The following PDE1C variants were observed in gnomAD, a reference collection of about 807,000 sequenced individuals.
PDE1C encodes phosphodiesterase 1C, also known as dual specificity calcium/calmodulin-dependent 3',5'-cyclic nucleotide phosphodiesterase 1C.
Under a neutral mutation model 93.1 loss-of-function variants are expected in PDE1C, and 62 were observed. That is an observed-to-expected ratio of 0.67 (90% confidence interval 0.54 to 0.82). The LOEUF (loss-of-function observed/expected upper bound fraction) is 0.82. PDE1C is among the 40% of genes least tolerant of loss of function. PDE1C has a pLI of 0.00. For synonymous variants in PDE1C, 325 were observed against 310.1 expected (o/e 1.05, Z -0.50); for missense variants, 742 against 884.6 (o/e 0.84, Z 2.04).
rs374060671 is a variant in PDE1C, at chr7:31,911,507, C to T, written c.129-30647G>A. On this transcript the variant is annotated intron_variant, in intron 2 of 17. Coordinates refer to ENST00000396191, the MANE Select transcript of PDE1C (RefSeq NM_001191057.4). ...CACCAAAACTGAGCAAACCTCATTCCGTTAGCTAGTCTCCAAAGAAGGTAG... is the reference window on the plus strand; with the variant it reads ...CACCAAAACTGAGCAAACCTCATTCTGTTAGCTAGTCTCCAAAGAAGGTAG... Among the ~76,000 whole-genome samples the T allele has an allele frequency of 5.9e-5, 9 of 152,206 alleles. No homozygotes were observed. The East Asian group carries it at 1.2e-3, about 20-fold the overall frequency.
intron 2 of PDE1C, among the ~76,000 whole-genome samples, chr7:32,186,719 AGAG>A: frequency 6.6e-6 from 1 of 152,170 alleles, no homozygotes; most frequent in African/African-American, 2.4e-5. Context: ...GTATAGTCAG[AGAG>A]TATGTCCTAC....
intron 1 of PDE1C, among the ~76,000 whole-genome samples, chr7:32,320,622 TAC>T (rs58913478): frequency 0.083 from 12,327 of 149,262 alleles, 729 homozygotes; most frequent in African/African-American, 0.16. Flanking sequence ...GGCACACACA[TAC>T]ACACACACAC....
At chr7:32,415,711 C>T (rs905247941) in intron 1 of PDE1C, among the ~76,000 whole-genome samples, 24 of 142,236 alleles carry the variant, frequency 1.7e-4, no homozygotes, top group African/African-American at 7.1e-4. Flanking sequence ...GGGAGAGGGG[C>T]CAGGGAACAA....
At chr7:31,977,234 A>C (rs1480837034) in intron 2 of PDE1C, among the ~76,000 whole-genome samples, 2 of 152,136 alleles carry the variant, frequency 1.3e-5, no homozygotes, top group African/African-American at 4.8e-5. Flanking sequence ...TGAAGGGACT[A>C]AGAAGAGGAA....
intron 3 of PDE1C, among the ~76,000 whole-genome samples, chr7:32,154,188 G>C (rs1387906812): frequency 2.0e-5 from 3 of 152,196 alleles, no homozygotes; most frequent in Non-Finnish European, 4.4e-5. Context: ...GAGCCTGGGA[G>C]GTTGAGGCTG....
intron 3 of PDE1C, among the ~76,000 whole-genome samples, chr7:32,146,705 C>G (rs1258523359): frequency 6.6e-6 from 1 of 152,098 alleles, no homozygotes; most frequent in Non-Finnish European, 1.5e-5. Flanking sequence ...ATTGTGCCAA[C>G]CACAAGGAGT....
chr7:31,860,664 T>C (rs1794589674), intron 7 of PDE1C, among the ~76,000 whole-genome samples: 1 of 152,200 alleles, frequency 6.6e-6, no homozygotes, highest in Non-Finnish European at 1.5e-5. Flanking sequence ...ACTTCATTAA[T>C]TTGTTTATGA....
At chr7:32,001,636 T>A (rs991816678) in intron 2 of PDE1C, among the ~76,000 whole-genome samples, 1 of 151,912 alleles carries the variant, frequency 6.6e-6, no homozygotes, top group Non-Finnish European at 1.5e-5. Flanking sequence ...ATTGAGGGAG[T>A]AAATGCATCC....
intron 2 of PDE1C, among the ~76,000 whole-genome samples, chr7:32,023,531 T>C (rs1159929516): frequency 6.6e-6 from 1 of 151,880 alleles, no homozygotes; most frequent in Non-Finnish European, 1.5e-5. Flanking sequence ...TCCCCAAACA[T>C]CCTTCAGGGC....
chr7:31,881,608 G>T (rs1037960192), intron 2 of PDE1C, among the ~76,000 whole-genome samples: 4 of 152,182 alleles, frequency 2.6e-5, no homozygotes, highest in Non-Finnish European at 4.4e-5. Flanking sequence ...ATACCACAGA[G>T]ATTTGGAGAT....
At chr7:32,114,818 A>T (rs544615707) in intron 3 of PDE1C, among the ~76,000 whole-genome samples, 149 of 78,938 alleles carry the variant, frequency 1.9e-3, no homozygotes, top group African/African-American at 6.9e-3. Flanking sequence ...ATGAACAGAC[A>T]CTTCTCAAAA....
At chr7:31,970,361 A>T (rs1414030880) in intron 2 of PDE1C, among the ~76,000 whole-genome samples, 4 of 152,204 alleles carry the variant, frequency 2.6e-5, no homozygotes, top group African/African-American at 4.8e-5. Context: ...CTTCTCAAAT[A>T]GTGAAAACAA....
intron 2 of PDE1C, among the ~76,000 whole-genome samples, chr7:32,035,214 C>T (rs540648947): frequency 9.9e-5 from 15 of 152,194 alleles, no homozygotes; most frequent in African/African-American, 3.6e-4. Context: ...AAGACAAACG[C>T]CTCCACAACC....
chr7:31,805,300 G>A (rs955788577), intron 16 of PDE1C, among the ~76,000 whole-genome samples: 1 of 151,582 alleles, frequency 6.6e-6, no homozygotes, highest in African/African-American at 2.4e-5. Context: ...TCTCAGAATG[G>A]TGTGCAATTT....
intron 2 of PDE1C, among the ~76,000 whole-genome samples, chr7:31,973,853 T>A (rs565423622): frequency 2.1e-4 from 32 of 152,284 alleles, no homozygotes; most frequent in Admixed American, 6.5e-4. Flanking sequence ...TACATATAGT[T>A]TAGTAGTATA....
At chr7:32,258,385 C>T (rs886430382) in intron 1 of PDE1C, among the ~76,000 whole-genome samples, 8 of 152,200 alleles carry the variant, frequency 5.3e-5, no homozygotes, top group African/African-American at 1.9e-4. Context: ...TTGGCGTTGA[C>T]TATTACTTGC....
intron 1 of PDE1C, among the ~76,000 whole-genome samples, chr7:32,285,051 G>GGAAAAA (rs1025780833): frequency 5.3e-5 from 8 of 150,842 alleles, no homozygotes; most frequent in Non-Finnish European, 1.0e-4. Context: ...AAAGAAAAAA[G>GGAAAAA]AAAAAAAGAA....
At chr7:31,837,393 T>C (rs898273967) in intron 10 of PDE1C, 93 bp from the exon 11 acceptor site, 3 of 1,231,268 alleles carry the variant, frequency 2.4e-6, no homozygotes, top group Non-Finnish European at 2.2e-6. Flanking sequence ...TAATCTCTTT[T>C]GTTCTTCCAT....
At chr7:31,854,147 C>A (rs539788510) in intron 7 of PDE1C, among the ~76,000 whole-genome samples, 1 of 152,182 alleles carries the variant, frequency 6.6e-6, no homozygotes, top group East Asian at 1.9e-4. Context: ...GATGAGGTTG[C>A]AGTTAAGGAG....
Sources: gnomAD v4.1 joint callset for allele counts (sites outside exome capture counted in the v4.1 genomes callset) on GRCh38, gnomAD v4.1.1 for gene constraint, MANE v1.5 for transcripts, NCBI Gene and HGNC (gene_info 2026-07-23, HGNC 2026-07-21) for gene names.